The following SLC5A10 variants were observed in gnomAD, a reference collection of about 807,000 sequenced individuals.
The protein encoded by SLC5A10 is solute carrier family 5 member 10.
A neutral mutation model predicts 68.9 loss-of-function variants in SLC5A10; 55 were observed. The observed-to-expected ratio is 0.80, with a 90% CI of 0.64 to 1.00. SLC5A10 has a LOEUF of 1.00. Ranked by LOEUF, SLC5A10 falls within the 50% of genes least tolerant of loss-of-function variation. The pLI, the probability that SLC5A10 is intolerant of heterozygous loss-of-function variation, is 0.00. For synonymous variants in SLC5A10, 344 were observed against 344.8 expected, an observed-to-expected ratio of 1.00 and a Z score of 0.02; for missense variants, 732 against 819.3, an observed-to-expected ratio of 0.89 and a Z score of 1.30.
intron 9 of SLC5A10, among the ~76,000 whole-genome samples, chr17:18,997,603 A>T (rs557404862): frequency 3.9e-5 from 6 of 152,256 alleles, no homozygotes; most frequent in Admixed American, 3.9e-4. Flanking sequence ...AATGCCCCAG[A>T]AAGCCTGGCT....
intron 10 of SLC5A10, among the ~76,000 whole-genome samples, chr17:19,014,600 G>T (rs1016382153): frequency 6.6e-6 from 1 of 152,192 alleles, no homozygotes; most frequent in African/African-American, 2.4e-5. Flanking sequence ...GCACCCCAAA[G>T]TCCTGCCGCT....
intron 1 of SLC5A10, 107 bp from the exon 2 acceptor site, chr17:18,958,575 G>T: frequency 1.2e-6 from 1 of 860,802 alleles, no homozygotes; most frequent in East Asian, 2.5e-5. Context: ...TGGGTCATAT[G>T]GTGATTCTAT....
intron 9 of SLC5A10, among the ~76,000 whole-genome samples, chr17:18,992,156 C>T (rs571616111): frequency 9.3e-4 from 142 of 152,280 alleles, no homozygotes; most frequent in South Asian, 6.2e-4. Flanking sequence ...GCGCCCCGCC[C>T]GATGAGCACC....
intron 10 of SLC5A10, 76 bp downstream of exon 10, chr17:19,013,593 G>A: frequency 1.9e-6 from 1 of 523,398 alleles, no homozygotes; most frequent in African/African-American, 2.4e-5. Context: ...GGGGACTGTG[G>A]AGGCTGCCAC....
intron 9 of SLC5A10, among the ~76,000 whole-genome samples, chr17:18,990,687 AT>A (rs1345448215): frequency 2.6e-5 from 4 of 152,178 alleles, no homozygotes; most frequent in Admixed American, 2.6e-4. Context: ...TCCAAAATGG[AT>A]CCCCCCACAG....
At chr17:18,960,495 A>G in intron 4 of SLC5A10, 53 bp from the exon 5 acceptor site, 1 of 1,503,322 alleles carries the variant, frequency 6.7e-7, no homozygotes, top group Non-Finnish European at 9.2e-7. Context: ...CCCTGCCTGG[A>G]GCCCTGGGCA....
At chr17:18,972,784 C>T (rs1019768559) in intron 8 of SLC5A10, among the ~76,000 whole-genome samples, 4 of 151,930 alleles carry the variant, frequency 2.6e-5, no homozygotes, top group Non-Finnish European at 4.4e-5. Context: ...ATGGCGTGAG[C>T]CCAGGAGGTG....
At chr17:18,957,729 G>A (rs1287028881) in intron 1 of SLC5A10, among the ~76,000 whole-genome samples, 1 of 152,190 alleles carries the variant, frequency 6.6e-6, no homozygotes, top group African/African-American at 2.4e-5. Flanking sequence ...CTCCCAAAGT[G>A]CTGGGATTAC....
chr17:18,960,455 C>T (rs2042589414), intron 4 of SLC5A10, 93 bp from the exon 5 acceptor site: 9 of 1,052,336 alleles, frequency 8.6e-6, no homozygotes, highest in East Asian at 5.2e-5. Flanking sequence ...TGCTTTGTGG[C>T]GGGGGGAGAG....
intron 8 of SLC5A10, among the ~76,000 whole-genome samples, chr17:18,973,127 G>A (rs2042896040): frequency 6.6e-6 from 1 of 152,248 alleles, no homozygotes; most frequent in African/African-American, 2.4e-5. Flanking sequence ...GCTGGTGAAA[G>A]GTTGGCCGTG....
intron 9 of SLC5A10, among the ~76,000 whole-genome samples, chr17:19,011,406 C>T (rs977292603): frequency 6.6e-6 from 1 of 152,134 alleles, no homozygotes; most frequent in African/African-American, 2.4e-5. Context: ...ACAAGCAGGT[C>T]AGGGTGGCTC....
intron 9 of SLC5A10, among the ~76,000 whole-genome samples, chr17:18,997,280 C>T (rs1399589634): frequency 6.6e-6 from 1 of 152,246 alleles, no homozygotes; most frequent in East Asian, 1.9e-4. Context: ...CTGGTCATGG[C>T]TCAGGAATAC....
At chr17:18,986,745 G>A (rs578146129) in intron 9 of SLC5A10, among the ~76,000 whole-genome samples, 1 of 152,372 alleles carries the variant, frequency 6.6e-6, no homozygotes, top group Non-Finnish European at 1.5e-5. Context: ...GCGTCTGCAC[G>A]CTGGGGGAAG....
At chr17:18,987,441 CA>C (rs2043299338) in intron 9 of SLC5A10, among the ~76,000 whole-genome samples, 1 of 152,240 alleles carries the variant, frequency 6.6e-6, no homozygotes, top group Admixed American at 6.5e-5. Flanking sequence ...CATCTGCTCT[CA>C]GGGAAATGCT....
intron 9 of SLC5A10, among the ~76,000 whole-genome samples, chr17:18,985,814 GCAGTGCCAGCTGCCTTCCAGCTGGTCA>G (rs1942472082): frequency 2.0e-5 from 3 of 152,216 alleles, no homozygotes; most frequent in Admixed American, 2.0e-4. Context: ...CCAGGGACCT[GCAGTGCCAGCTGCCTTCCAGCTGGTCA>G]CAGCCAGTGG....
chr17:18,954,739 A>G (rs1346602354), intron 1 of SLC5A10, among the ~76,000 whole-genome samples: 1 of 152,184 alleles, frequency 6.6e-6, no homozygotes, highest in African/African-American at 2.4e-5. Context: ...GTATCTGTTA[A>G]CAAGTGACTG....
intron 7 of SLC5A10, chr17:18,970,553 C>CCACCAGCCA (rs1254158443): frequency 5.5e-6 from 1 of 182,358 alleles, no homozygotes; most frequent in Non-Finnish European, 1.2e-5. Flanking sequence ...GGCCACATCA[C>CCACCAGCCA]CACCAGCCAC....
At chr17:18,995,152 A>AT (rs1334221219) in intron 9 of SLC5A10, among the ~76,000 whole-genome samples, 7 of 152,332 alleles carry the variant, frequency 4.6e-5, no homozygotes, top group Admixed American at 4.6e-4. Context: ...ACAAGAAAAC[A>AT]TGATGCACAT....
At chr17:18,978,109 G>A (rs775076039) in intron 9 of SLC5A10, 2 of 1,517,566 alleles carry the variant, frequency 1.3e-6, no homozygotes, top group Non-Finnish European at 1.8e-6. Flanking sequence ...TATCACTGCT[G>A]TCCCGGGCTA....
Sources: allele counts gnomAD v4.1 joint callset (sites outside exome capture counted in the v4.1 genomes callset), GRCh38; gene constraint gnomAD v4.1.1; transcripts MANE v1.5; gene names NCBI Gene and HGNC (gene_info 2026-07-23, HGNC 2026-07-21).